FYN: variants seen among roughly 807,000 people sequenced by gnomAD.
FYN encodes tyrosine-protein kinase Fyn.
Under a neutral mutation model 70.2 loss-of-function variants are expected in FYN, and 10 were observed. That is an observed-to-expected ratio of 0.14 (90% CI 0.09 to 0.24). The LOEUF is 0.24. Among genes scored for constraint, FYN ranks in the 10% least tolerant of loss-of-function variants. The pLI is 1.00. For synonymous variants in FYN, 236 were observed against 248.6 expected (o/e 0.95, Z 0.48); for missense variants, 319 against 673.1 (o/e 0.47, Z 5.82).
chr6:111,814,575 G>C (rs1772425911), intron 2 of FYN, among the ~76,000 whole-genome samples: 1 of 151,970 alleles, frequency 6.6e-6, no homozygotes, highest in Non-Finnish European at 1.5e-5. Flanking sequence ...TATATACATA[G>C]TATAGAATAA....
At chr6:111,788,031 C>A (rs1771464754) in intron 2 of FYN, among the ~76,000 whole-genome samples, 1 of 152,180 alleles carries the variant, frequency 6.6e-6, no homozygotes, top group Non-Finnish European at 1.5e-5. Context: ...TCGGAGCCTT[C>A]ACCTGTCCTA....
At chr6:111,768,454 C>CTT (rs1233970012) in intron 3 of FYN, among the ~76,000 whole-genome samples, 1 of 152,194 alleles carries the variant, frequency 6.6e-6, no homozygotes, top group Non-Finnish European at 1.5e-5. Context: ...TCAGGACAAG[C>CTT]TTATTGAGGT....
intron 1 of FYN, among the ~76,000 whole-genome samples, chr6:111,871,551 A>T (rs758497482): frequency 6.6e-6 from 1 of 152,236 alleles, no homozygotes; most frequent in African/African-American, 2.4e-5. Flanking sequence ...GGGTAAAACA[A>T]CATCACTGGG....
At chr6:111,692,268 A>G (rs1032315944) in intron 12 of FYN, among the ~76,000 whole-genome samples, 13 of 152,184 alleles carry the variant, frequency 8.5e-5, no homozygotes, top group African/African-American at 3.1e-4. Context: ...ACGCAGTACA[A>G]AGGCTAAAAG....
rs144812476 is a variant in FYN, at chr6:111,827,540, G to A, written c.-82+19049C>T. On this transcript the variant is annotated intron_variant, in intron 2 of 13. Coordinates refer to ENST00000354650, the MANE Select transcript of FYN (RefSeq NM_002037.5). ...TAATGCCCCCTTTTGGGTCACCAGCGGCTCAGGCTTCCTGAGCTGGTCCTG... is the reference window on the plus strand; with the variant it reads ...TAATGCCCCCTTTTGGGTCACCAGCAGCTCAGGCTTCCTGAGCTGGTCCTG... 5.8e-3 allele frequency among the ~76,000 whole-genome samples: 882 copies of A among 152,230 alleles called. 8 individuals carry two copies. The highest frequency in any genetic ancestry group is 0.02 in the African/African-American group (844 of 41,532).
chr6:111,690,897 G>A (rs559872967), intron 12 of FYN, among the ~76,000 whole-genome samples: 5 of 152,194 alleles, frequency 3.3e-5, no homozygotes, highest in South Asian at 2.1e-4. Flanking sequence ...GCTGACTGTC[G>A]TGCAGTCTTA....
At chr6:111,702,050 A>G (rs544933157) in intron 8 of FYN, among the ~76,000 whole-genome samples, 8 of 152,350 alleles carry the variant, frequency 5.3e-5, no homozygotes, top group Admixed American at 1.3e-4. Context: ...GAACAATAGA[A>G]AATGGAGAAA....
At chr6:111,773,179 G>A (rs1274715102) in intron 3 of FYN, among the ~76,000 whole-genome samples, 8 of 150,370 alleles carry the variant, frequency 5.3e-5, no homozygotes, top group African/African-American at 1.7e-4. Context: ...AGGACATAAA[G>A]TGTTTGTTTT....
At chr6:111,662,057 C>A (rs1039990087) in intron 13 of FYN, 110 bp from the exon 14 acceptor site, 4 of 837,354 alleles carry the variant, frequency 4.8e-6, no homozygotes, top group Admixed American at 5.4e-5. Flanking sequence ...CTAAAACATG[C>A]GGAGTACTCC....
At chr6:111,695,248 T>C (rs1799524142) in intron 10 of FYN, among the ~76,000 whole-genome samples, 1 of 152,226 alleles carries the variant, frequency 6.6e-6, no homozygotes, top group South Asian at 2.1e-4. Context: ...ATTCTAATAA[T>C]ACAAGGTAAA....
At chr6:111,840,101 T>A (rs1773312710) in intron 2 of FYN, among the ~76,000 whole-genome samples, 1 of 152,214 alleles carries the variant, frequency 6.6e-6, no homozygotes, top group South Asian at 2.1e-4. Flanking sequence ...AAAATTAAAC[T>A]GACTGAAGTA....
rs57015847 is a variant in FYN, at chr6:111,678,108, A to ATGTGTGTGTGTGTGTGTGTGTGTGTGTG, written c.1274-3506_1274-3479dup. Among the ~76,000 whole-genome samples the ATGTGTGTGTGTGTGTGTGTGTGTGTGTG allele has an allele frequency of 1.7e-4, 16 of 93,920 alleles. 1 individual carries two copies. The highest frequency in any genetic ancestry group is 3.3e-4 in the African/African-American group (11 of 33,770). The allele number at this position is 93,920 out of a possible 152,430, so 61.6% of individuals were successfully genotyped here. A position where few individuals can be genotyped will look rare whatever the true frequency, so the allele number is the denominator to read the frequency against. On this transcript the variant is annotated intron_variant, in intron 12 of 13. Transcript: ENST00000354650. ...TAAGCCAATACACGAAGGCCATAATATGTGTGTGTGTGTGTGTGTGTGTGT... is the reference window on the plus strand; with the variant it reads ...TAAGCCAATACACGAAGGCCATAATATGTGTGTGTGTGTGTGTGTGTGTGTGTGTGTGTGTGTGTGTGTGTGTGTGTGT...
intron 3 of FYN, among the ~76,000 whole-genome samples, chr6:111,764,236 AAG>A (rs1803130211): frequency 6.8e-6 from 1 of 146,318 alleles, no homozygotes; most frequent in African/African-American, 2.6e-5. Flanking sequence ...AAAAAAAGAA[AAG>A]AAAAAAAAAG....
chr6:111,813,825 G>A (rs1353706223), intron 2 of FYN: 4 of 152,268 alleles, frequency 2.6e-5, no homozygotes, highest in Non-Finnish European at 5.9e-5. Context: ...GGATGCCAGA[G>A]TGTCCTCAAA....
At chr6:111,793,815 C>T (rs1771714436) in intron 2 of FYN, 1 of 152,260 alleles carries the variant, frequency 6.6e-6, no homozygotes, top group Non-Finnish European at 1.5e-5. Flanking sequence ...CCACCTACCA[C>T]TGAAATAAAT....
intron 12 of FYN, among the ~76,000 whole-genome samples, chr6:111,685,401 CAA>C (rs1798957521): frequency 6.6e-6 from 1 of 152,226 alleles, no homozygotes; most frequent in Non-Finnish European, 1.5e-5. Flanking sequence ...ATACAGAAGA[CAA>C]ACATCACTTT....
chr6:111,842,506 C>T (rs1773392884), intron 2 of FYN, among the ~76,000 whole-genome samples: 1 of 152,176 alleles, frequency 6.6e-6, no homozygotes, highest in South Asian at 2.1e-4. Context: ...TTGCGCGGTA[C>T]ACCCCAAAGC....
At chr6:111,722,691 G>C (rs1199251429) in intron 3 of FYN, among the ~76,000 whole-genome samples, 1 of 152,156 alleles carries the variant, frequency 6.6e-6, no homozygotes, top group Non-Finnish European at 1.5e-5. Flanking sequence ...GAGACATTTT[G>C]GGTTGTCACA....
intron 12 of FYN, among the ~76,000 whole-genome samples, chr6:111,681,465 T>C (rs1285162027): frequency 6.6e-6 from 1 of 152,170 alleles, no homozygotes; most frequent in African/African-American, 2.4e-5. Context: ...CTGACCTAAC[T>C]TGGTTCTTGC....
Sources: allele counts gnomAD v4.1 joint callset (sites outside exome capture counted in the v4.1 genomes callset), GRCh38; gene constraint gnomAD v4.1.1; transcripts MANE v1.5; gene names NCBI Gene and HGNC (gene_info 2026-07-23, HGNC 2026-07-21).